OCM: variants seen among roughly 807,000 people sequenced by gnomAD.
OCM encodes the protein oncomodulin-1.
Under a neutral mutation model 14.1 loss-of-function variants are expected in OCM, and 18 were observed. That is an observed-to-expected ratio of 1.28 (90% CI 0.88 to 1.89). The LOEUF (loss-of-function observed/expected upper bound fraction) is 1.89, where lower values mean the gene tolerates loss of function less well. OCM is among the 40% of genes most tolerant of loss of function. The pLI is 0.00. For missense variants in OCM, 140 were observed against 137.6 expected (o/e 1.02, Z -0.09); for synonymous variants, 48 against 51.0 (o/e 0.94, Z 0.25).
the OCM span, among the ~76,000 whole-genome samples, chr7:5,873,763 G>A: frequency 2.6e-5 from 4 of 152,202 alleles, no homozygotes; most frequent in Non-Finnish European, 5.9e-5. Context: ...GCTTGGGCTA[G>A]GGTAGTGACG....
upstream of OCM, among the ~76,000 whole-genome samples, chr7:5,877,179 T>C (rs115800694): frequency 6.6e-6 from 1 of 152,012 alleles, no homozygotes; most frequent in Non-Finnish European, 1.5e-5. Flanking sequence ...TTTTAAAAAC[T>C]TGAGGCTGGG....
chr7:5,860,860 A>G, the OCM span, among the ~76,000 whole-genome samples: 1 of 150,098 alleles, frequency 6.7e-6, no homozygotes, highest in Non-Finnish European at 1.5e-5. Context: ...ATATACATAT[A>G]CATATATATA....
At chr7:5,874,618 C>A in the OCM span, among the ~76,000 whole-genome samples, 1 of 152,036 alleles carries the variant, frequency 6.6e-6, no homozygotes, top group Non-Finnish European at 1.5e-5. Flanking sequence ...GATCCTCCCA[C>A]CTCAGCCTCC....
chr7:5,879,750 TAAATAGAAAA>T (rs1781169929), upstream of OCM: 1 of 68,264 alleles, frequency 1.5e-5, no homozygotes, highest in African/African-American at 8.7e-5. Context: ...CCTTGAGACA[TAAATAGAAAA>T]AAAAAAAAAA....
At chr7:5,865,445 C>T in the OCM span, among the ~76,000 whole-genome samples, 1 of 152,144 alleles carries the variant, frequency 6.6e-6, no homozygotes, top group Non-Finnish European at 1.5e-5. Context: ...AGAAAGAGAA[C>T]CCCAACTCAT....
upstream of OCM, among the ~76,000 whole-genome samples, chr7:5,877,622 C>T (rs138042534): frequency 0.019 from 2,946 of 151,784 alleles, 43 homozygotes; most frequent in Admixed American, 0.039. Context: ...AGTTCGAGAC[C>T]AGCCTGGCCA....
the OCM span, among the ~76,000 whole-genome samples, chr7:5,865,647 C>T: frequency 6.6e-6 from 1 of 152,102 alleles, no homozygotes; most frequent in East Asian, 1.9e-4. Context: ...ATAACTTTTG[C>T]ACCAACCTAA....
At chr7:5,860,248 T>C in the OCM span, among the ~76,000 whole-genome samples, 15 of 151,918 alleles carry the variant, frequency 9.9e-5, no homozygotes, top group South Asian at 1.0e-3. Flanking sequence ...CGCTCACATT[T>C]CTTGTTCATG....
upstream of OCM, chr7:5,879,905 T>C (rs1373883466): frequency 1.3e-5 from 2 of 152,172 alleles, no homozygotes; most frequent in Non-Finnish European, 2.9e-5. Context: ...ACACATCTGT[T>C]GTTTTGCTCC....
the OCM span, among the ~76,000 whole-genome samples, chr7:5,860,409 CGT>C: frequency 7.8e-6 from 1 of 129,004 alleles, no homozygotes; most frequent in Non-Finnish European, 1.6e-5. Context: ...TGTATATATA[CGT>C]ATATATATAT....
In OCM at chr7:5,883,882, T is replaced by C. The variant is rs1248409113; in HGVS notation, c.195-8T>C. On this transcript the variant is annotated splice_polypyrimidine_tract_variant and splice_region_variant and intron_variant, in intron 2 of 3. Coordinates refer to ENST00000242104, the MANE Select transcript of OCM (RefSeq NM_001097622.2). ...TGAAAATCCCCATGGATCTTTATTA[T>C]CCTGTAGGTTTTTCCTCCAGAAGTT... is the stretch of plus-strand genomic sequence containing the variant. The C allele has an allele frequency of 3.7e-6, 6 of 1,612,238 alleles. No homozygotes were observed. Among genetic ancestry groups the C allele is most frequent in the Non-Finnish European group, 4.2e-6 (5 of 1,178,766 alleles).
chr7:5,884,336 T>C (rs1781290004), intron 3 of OCM, among the ~76,000 whole-genome samples: 1 of 152,172 alleles, frequency 6.6e-6, no homozygotes, highest in Admixed American at 6.5e-5. Context: ...CGCGAGGTAT[T>C]TCTACCAGTG....
chr7:5,878,345 G>T (rs1236907460), upstream of OCM, among the ~76,000 whole-genome samples: 1 of 152,048 alleles, frequency 6.6e-6, no homozygotes, highest in Non-Finnish European at 1.5e-5. Flanking sequence ...AGTTGTGGCA[G>T]CTCAGTGGAT....
At chr7:5,879,081 G>A (rs1183179232), upstream of OCM, among the ~76,000 whole-genome samples, 2 of 152,120 alleles carry the variant, frequency 1.3e-5, no homozygotes, top group East Asian at 3.9e-4. Context: ...TGTGCCTGTA[G>A]TACCAGCTAC....
intron 3 of OCM, among the ~76,000 whole-genome samples, chr7:5,884,475 G>C (rs1781292855): frequency 6.6e-6 from 1 of 152,150 alleles, no homozygotes; most frequent in South Asian, 2.1e-4. Flanking sequence ...AGCCCGCCAA[G>C]GGGATAATAT....
the OCM span, among the ~76,000 whole-genome samples, chr7:5,864,724 C>A: frequency 1.0e-3 from 158 of 152,122 alleles, no homozygotes; most frequent in African/African-American, 3.7e-3. Flanking sequence ...GGAGGCCAAG[C>A]CAGGCGGATC....
the OCM span, among the ~76,000 whole-genome samples, chr7:5,871,354 C>CAAAAA: frequency 8.1e-6 from 1 of 123,340 alleles, no homozygotes; most frequent in Non-Finnish European, 1.8e-5. Context: ...GTCCTTGTCT[C>CAAAAA]AAAAAAAAAA....
intron 3 of OCM, among the ~76,000 whole-genome samples, chr7:5,884,314 A>G (rs1291473644): frequency 6.6e-6 from 1 of 152,176 alleles, no homozygotes; most frequent in Admixed American, 6.5e-5. Flanking sequence ...ACCATAATGC[A>G]CCTGCATAAA....
chr7:5,882,067 C>T (rs1234477079), intron 1 of OCM, among the ~76,000 whole-genome samples: 3 of 107,348 alleles, frequency 2.8e-5, no homozygotes, highest in African/African-American at 7.5e-5. Context: ...AGCCTGGTGA[C>T]AGAGTGAGAC....
Sources: gnomAD v4.1 joint callset for allele counts (sites outside exome capture counted in the v4.1 genomes callset) on GRCh38, gnomAD v4.1.1 for gene constraint, MANE v1.5 for transcripts, NCBI Gene and HGNC (gene_info 2026-07-23, HGNC 2026-07-21) for gene names.